Variants in ATXN3 observed in about 807,000 individuals in gnomAD.
The protein encoded by ATXN3 is ataxin-3.
In ATXN3, 28 loss-of-function variants were observed where a neutral mutation model predicts 58.2. The observed-to-expected ratio is 0.48, with a 90% CI of 0.36 to 0.66. ATXN3 has a LOEUF of 0.66. Among genes scored for constraint, ATXN3 ranks in the 30% least tolerant of loss-of-function variants. The pLI is 0.00. For missense variants in ATXN3, 321 were observed against 422.1 expected, an observed-to-expected ratio of 0.76 and a Z score of 2.10; for synonymous variants, 113 against 138.5, an observed-to-expected ratio of 0.82 and a Z score of 1.29.
At chr14:92,069,700 T>C (rs2059120598) in intron 10 of ATXN3, among the ~76,000 whole-genome samples, 2 of 152,148 alleles carry the variant, frequency 1.3e-5, no homozygotes, top group Admixed American at 1.3e-4. Flanking sequence ...TAAGTTTTTA[T>C]GTGAACCTAA....
chr14:92,065,315 G>A (rs1191031414), intron 10 of ATXN3, among the ~76,000 whole-genome samples: 1 of 152,190 alleles, frequency 6.6e-6, no homozygotes, highest in Non-Finnish European at 1.5e-5. Flanking sequence ...TGACAGTAGA[G>A]TATTACATGC....
chr14:92,048,350 G>A (rs1018850003), intron 1 of ATXN3, among the ~76,000 whole-genome samples: 1 of 152,232 alleles, frequency 6.6e-6, no homozygotes, highest in Non-Finnish European at 1.5e-5. Context: ...CACCTTGAAG[G>A]TGATGTTAAT....
At chr14:92,055,171 G>A (rs376359507), downstream of ATXN3, among the ~76,000 whole-genome samples, 27 of 152,168 alleles carry the variant, frequency 1.8e-4, no homozygotes, top group East Asian at 9.7e-4. This position sits in a 1 kb window ranked among gnomAD's most constrained non-coding sequence, Gnocchi z 4.5. Context: ...GTGAGCCACC[G>A]TGCCGGGGAG....
intron 9 of ATXN3, among the ~76,000 whole-genome samples, chr14:92,079,773 T>C (rs1042396392): frequency 6.6e-5 from 10 of 152,222 alleles, no homozygotes; most frequent in Admixed American, 2.6e-4. Flanking sequence ...GTCTCGCTCT[T>C]GTCCCCCAGG....
upstream of ATXN3, among the ~76,000 whole-genome samples, chr14:92,053,485 TTTC>T (rs1277637421): frequency 6.7e-6 from 1 of 149,596 alleles, no homozygotes; most frequent in Admixed American, 6.6e-5. Flanking sequence ...TTTTTTTTTC[TTTC>T]TTTCTTTTTT....
At chr14:92,083,804 G>A (rs2061901457) in intron 6 of ATXN3, among the ~76,000 whole-genome samples, 1 of 152,214 alleles carries the variant, frequency 6.6e-6, no homozygotes, top group African/African-American at 2.4e-5. Flanking sequence ...ATTTAAGCCA[G>A]TGAACTGGGA....
chr14:92,101,145 A>G (rs2145129), intron 1 of ATXN3, among the ~76,000 whole-genome samples: 1,673 of 152,306 alleles, frequency 0.011, 43 homozygotes, highest in South Asian at 0.046. Flanking sequence ...TAATGGAAGG[A>G]AAGGACAAAC....
downstream of ATXN3, among the ~76,000 whole-genome samples, chr14:92,055,175 C>T (rs1374992926): frequency 2.0e-5 from 3 of 152,220 alleles, no homozygotes; most frequent in East Asian, 3.9e-4. This position sits in a 1 kb window ranked among gnomAD's most constrained non-coding sequence, Gnocchi z 4.5. Context: ...GCCACCGTGC[C>T]GGGGAGGATT....
chr14:92,052,789 C>G (rs2057453223), upstream of ATXN3, among the ~76,000 whole-genome samples: 1 of 152,190 alleles, frequency 6.6e-6, no homozygotes, highest in South Asian at 2.1e-4. Flanking sequence ...AATTATGCAG[C>G]TTGCCTGTTC....
chr14:92,083,045 A>G (rs906044594), intron 7 of ATXN3, 81 bp downstream of exon 7: 8 of 1,489,208 alleles, frequency 5.4e-6, no homozygotes, highest in Non-Finnish European at 7.2e-6. Flanking sequence ...CACAAGGACC[A>G]CATATTCAAT....
chr14:92,104,052 T>A (rs1243719455), intron 1 of ATXN3, among the ~76,000 whole-genome samples: 1 of 152,248 alleles, frequency 6.6e-6, no homozygotes, highest in African/African-American at 2.4e-5. Context: ...CTTCACATGC[T>A]ATGTAGATAC....
At chr14:92,083,770 A>G (rs8013582) in intron 6 of ATXN3, among the ~76,000 whole-genome samples, 43,821 of 152,008 alleles carry the variant, frequency 0.29, 6,728 homozygotes, top group East Asian at 0.44. Flanking sequence ...TGTGTCTGCG[A>G]GGGTGTTGCC....
At chr14:92,054,546 A>T (rs1169062580), downstream of ATXN3, among the ~76,000 whole-genome samples, 1 of 152,190 alleles carries the variant, frequency 6.6e-6, no homozygotes, top group African/African-American at 2.4e-5. Context: ...GGCATGAATA[A>T]TCCACCCCTT....
intron 7 of ATXN3, 61 bp downstream of exon 7, chr14:92,083,065 A>C: frequency 6.5e-7 from 1 of 1,543,200 alleles, no homozygotes; most frequent in Non-Finnish European, 8.7e-7. Context: ...TCTAAGCATG[A>C]AAATTTAATT....
chr14:92,071,009 C>CGCTGCTGCT lies in ATXN3; in HGVS notation c.916_917insAGCAGCAGC (p.Gly306delinsGluGlnGlnArg), dbSNP rs763461489. Reference sequence around the variant, plus strand: ...ATGTGAACTCTGTCCTGATAGGTCCCCCTGCTGCTGCTGCTGCTGCTGCTG... The same window carrying CGCTGCTGCT: ...ATGTGAACTCTGTCCTGATAGGTCCCGCTGCTGCTCCTGCTGCTGCTGCTGCTGCTGCTG... On this transcript the variant is annotated protein_altering_variant, in exon 10 of 11. Coordinates refer to ENST00000644486, the MANE Select transcript of ATXN3 (RefSeq NM_004993.6). 2.4e-6 allele frequency: 2 copies of CGCTGCTGCT among 845,180 alleles called. No homozygotes were observed. The highest frequency in any genetic ancestry group is 2.6e-5 in the East Asian group (1 of 38,486). The allele number at this position is 845,180 out of a possible 1,614,324, so 52.4% of individuals were successfully genotyped here.
At chr14:92,084,550 C>T (rs1197114315) in intron 6 of ATXN3, among the ~76,000 whole-genome samples, 2 of 151,252 alleles carry the variant, frequency 1.3e-5, no homozygotes, top group South Asian at 2.1e-4. Flanking sequence ...AACAATCTAA[C>T]TGATTTAAGT....
chr14:92,062,332 A>T lies in ATXN3; in HGVS notation c.*1988T>A, dbSNP rs2057836977. The T allele has an allele frequency of 2.0e-5, 3 of 152,204 alleles. No individual in the cohort carries two copies. Among genetic ancestry groups the T allele is most frequent in the Admixed American group, 6.5e-5 (1 of 15,272 alleles). 9.4% of individuals were successfully genotyped at this position (152,204 alleles called of 1,614,324 possible). ...CATGCCATATTTTCTTAAGTGCTTT[A>T]ACTAGGGTATATATGAACTTTATAA... is the stretch of plus-strand genomic sequence containing the variant. On this transcript the variant is annotated 3_prime_UTR_variant, in exon 11 of 11. Coordinates refer to ENST00000644486, the MANE Select transcript of ATXN3 (RefSeq NM_004993.6).
downstream of ATXN3, chr14:92,058,205 C>T (rs992556586): frequency 5.3e-5 from 8 of 152,300 alleles, no homozygotes; most frequent in Admixed American, 4.6e-4. Flanking sequence ...CACACAACAG[C>T]GCTTCTCAAG....
chr14:92,049,445 C>T (rs994069005), intron 1 of ATXN3, among the ~76,000 whole-genome samples: 2 of 152,128 alleles, frequency 1.3e-5, no homozygotes, highest in African/African-American at 4.8e-5. Context: ...TTCTTGAGTC[C>T]GTGACCAGCG....
Sources: gnomAD v4.1 joint callset for allele counts (sites outside exome capture counted in the v4.1 genomes callset) on GRCh38, gnomAD v4.1.1 for gene constraint, Gnocchi (gnomAD v3.1) non-coding constraint, MANE v1.5 for transcripts, NCBI Gene and HGNC (gene_info 2026-07-23, HGNC 2026-07-21) for gene names.